NAT1: variants seen among roughly 807,000 people sequenced by gnomAD.
NAT1 encodes N-acetyltransferase 1, also known as arylamine N-acetyltransferase 1.
For synonymous variants in NAT1, 144 were observed against 122.6 expected (o/e 1.17, Z -1.16); for missense variants, 400 against 339.2 (o/e 1.18, Z -1.41).
intron 2 of NAT1, among the ~76,000 whole-genome samples, chr8:18,196,527 A>G (rs1803241546): frequency 6.6e-6 from 1 of 152,220 alleles, no homozygotes; most frequent in South Asian, 2.1e-4. Context: ...ACCTTAAACT[A>G]TCTCCACTCA....
chr8:18,194,181 G>A (rs1260351793), intron 2 of NAT1, among the ~76,000 whole-genome samples: 2 of 152,128 alleles, frequency 1.3e-5, no homozygotes, highest in Non-Finnish European at 1.5e-5. Context: ...CCACTGGTGT[G>A]GCACAGCAGA....
At chr8:18,178,056 G>C (rs1302286465) in intron 2 of NAT1, among the ~76,000 whole-genome samples, 1 of 152,092 alleles carries the variant, frequency 6.6e-6, no homozygotes, top group Non-Finnish European at 1.5e-5. Context: ...GTAGCTAAAA[G>C]GCATTATTAG....
upstream of NAT1, among the ~76,000 whole-genome samples, chr8:18,205,322 G>T (rs1294047183): frequency 6.6e-6 from 1 of 152,160 alleles, no homozygotes; most frequent in Non-Finnish European, 1.5e-5. Flanking sequence ...GCAATTGTGT[G>T]CATGGTCATA....
At chr8:18,212,476 G>A (rs1053755668) in intron 1 of NAT1, 1 of 152,284 alleles carries the variant, frequency 6.6e-6, no homozygotes, top group Admixed American at 6.5e-5. Flanking sequence ...TGTGACTGAA[G>A]GAAGTGCTGG....
intron 2 of NAT1, among the ~76,000 whole-genome samples, chr8:18,195,504 T>C (rs943928855): frequency 2.6e-5 from 4 of 152,162 alleles, no homozygotes; most frequent in Admixed American, 2.6e-4. Context: ...CTGCCCTTGG[T>C]GGAAGTTTGG....
intron 2 of NAT1, among the ~76,000 whole-genome samples, chr8:18,193,986 T>G (rs1406196792): frequency 6.6e-6 from 1 of 152,130 alleles, no homozygotes; most frequent in Non-Finnish European, 1.5e-5. Flanking sequence ...GTTGCATGCA[T>G]CTCCATCACG....
At chr8:18,220,177 C>T (rs1462864160) in intron 2 of NAT1, among the ~76,000 whole-genome samples, 3 of 151,952 alleles carry the variant, frequency 2.0e-5, no homozygotes, top group Non-Finnish European at 4.4e-5. Context: ...TAGAGCTTGA[C>T]CAAATGTTAC....
intron 1 of NAT1, among the ~76,000 whole-genome samples, chr8:18,214,579 A>G (rs1804441269): frequency 6.6e-6 from 1 of 152,234 alleles, no homozygotes; most frequent in African/African-American, 2.4e-5. Context: ...TAATTTAACA[A>G]AAATATATTC....
intron 1 of NAT1, among the ~76,000 whole-genome samples, chr8:18,217,650 A>G (rs1804819161): frequency 6.6e-6 from 1 of 152,232 alleles, no homozygotes; most frequent in Admixed American, 6.5e-5. Flanking sequence ...GGAATACTGA[A>G]AAAGGCACCG....
intron 1 of NAT1, among the ~76,000 whole-genome samples, chr8:18,210,506 G>C (rs1390630628): frequency 6.6e-6 from 1 of 152,144 alleles, no homozygotes; most frequent in Admixed American, 6.5e-5. Flanking sequence ...AGGACTTGTT[G>C]TGAGGATTAC....
intron 2 of NAT1, among the ~76,000 whole-genome samples, chr8:18,172,263 T>C (rs1438433871): frequency 1.3e-5 from 2 of 152,186 alleles, no homozygotes; most frequent in Non-Finnish European, 1.5e-5. Context: ...TAGAAACTTT[T>C]AAGCTCCACA....
At chr8:18,195,546 G>A (rs948712187) in intron 2 of NAT1, among the ~76,000 whole-genome samples, 2 of 152,138 alleles carry the variant, frequency 1.3e-5, no homozygotes, top group Non-Finnish European at 1.5e-5. Flanking sequence ...TACGCTTCCT[G>A]CTTTCAAATA....
chr8:18,184,824 C>G (rs1236849632), intron 2 of NAT1, among the ~76,000 whole-genome samples: 5 of 152,172 alleles, frequency 3.3e-5, no homozygotes, highest in Admixed American at 6.5e-5. Flanking sequence ...ATCCTGCATT[C>G]TACTTCCCTC....
At chr8:18,201,368 A>G (rs1803456873) in intron 2 of NAT1, among the ~76,000 whole-genome samples, 1 of 152,268 alleles carries the variant, frequency 6.6e-6, no homozygotes, top group Admixed American at 6.5e-5. Flanking sequence ...TACTAATTTT[A>G]GGCTGTTCAT....
intron 2 of NAT1, among the ~76,000 whole-genome samples, chr8:18,221,139 A>G (rs947894013): frequency 6.6e-6 from 1 of 152,034 alleles, no homozygotes; most frequent in Non-Finnish European, 1.5e-5. Flanking sequence ...CTTCTTACTC[A>G]TGTGCTCCAA....
At chr8:18,214,009 T>A (rs1345524840) in intron 1 of NAT1, among the ~76,000 whole-genome samples, 2 of 152,090 alleles carry the variant, frequency 1.3e-5, no homozygotes, top group Non-Finnish European at 2.9e-5. Context: ...GAGACAGGGT[T>A]TCACCGTGTT....
intron 1 of NAT1, among the ~76,000 whole-genome samples, chr8:18,217,515 A>G (rs1413375129): frequency 6.6e-6 from 1 of 152,220 alleles, no homozygotes; most frequent in Non-Finnish European, 1.5e-5. Context: ...TAAATCCACT[A>G]AATCAGCTTT....
At chr8:18,171,434 C>T (rs773663883) in intron 2 of NAT1, among the ~76,000 whole-genome samples, 13 of 152,242 alleles carry the variant, frequency 8.5e-5, no homozygotes, top group South Asian at 8.3e-4. Flanking sequence ...AAGCAACAGA[C>T]TAAGGACATG....
intron 2 of NAT1, among the ~76,000 whole-genome samples, chr8:18,173,146 GCACACACACACACACACACA>G (rs3038965): frequency 6.8e-6 from 1 of 146,536 alleles, no homozygotes; most frequent in African/African-American, 2.5e-5. Flanking sequence ...ACACAGAGAT[GCACACACACACACACACACA>G]CACACACACA....
Sources: gnomAD v4.1 joint callset for allele counts (sites outside exome capture counted in the v4.1 genomes callset) on GRCh38, gnomAD v4.1.1 for gene constraint, MANE v1.5 for transcripts, NCBI Gene and HGNC (gene_info 2026-07-23, HGNC 2026-07-21) for gene names.